PAPSS1: variants seen among roughly 807,000 people sequenced by gnomAD.
PAPSS1 encodes the protein bifunctional 3'-phosphoadenosine 5'-phosphosulfate synthase 1.
PAPSS1 carries 50 observed loss-of-function variants against 72.0 expected under a neutral mutation model. The observed-to-expected ratio is 0.69, with a 90% CI of 0.55 to 0.88. PAPSS1 has a LOEUF of 0.88. Among genes scored for constraint, PAPSS1 ranks in the 40% least tolerant of loss-of-function variants. PAPSS1 has a pLI of 0.00. For synonymous variants in PAPSS1, 261 were observed against 263.6 expected (o/e 0.99, Z 0.09); for missense variants, 657 against 782.2 (o/e 0.84, Z 1.91).
chr4:107,693,863 C>T lies in PAPSS1; in HGVS notation c.319G>A (p.Glu107Lys). Residue 107 changes from glutamate to lysine, a missense_variant, in exon 3 of 12, where the codon GAA becomes AAA. Coordinates refer to ENST00000265174, the MANE Select transcript of PAPSS1 (RefSeq NM_005443.5). ...KNLGFSPEDR[E>K]ENVRRIAEVA... ...TCTGCGATGCGTCGAACATTCTCTTCTCTGTCTTCAGGACTAAAGCCAAGA... is the reference window on the plus strand; with the variant it reads ...TCTGCGATGCGTCGAACATTCTCTTTTCTGTCTTCAGGACTAAAGCCAAGA... 1 of 1,613,966 alleles carries T rather than the reference C, an allele frequency of 6.2e-7. No individual in the cohort carries two copies. Among genetic ancestry groups the T allele is most frequent in the Non-Finnish European group, 8.5e-7 (1 of 1,179,884 alleles).
intron 4 of PAPSS1, 99 bp downstream of exon 4, chr4:107,686,940 G>A: frequency 1.1e-6 from 1 of 912,720 alleles, no homozygotes; most frequent in Non-Finnish European, 1.6e-6. Context: ...GGAGCTCCAA[G>A]TCACTCTAAC....
chr4:107,644,942 C>T lies in PAPSS1; in HGVS notation c.1366G>A (p.Gly456Ser). The change falls in exon 10 of 12, where the codon GGC becomes AGC. Residue 456 changes from glycine to serine, a missense_variant. Gly to Ser is a moderately conservative substitution (Grantham distance 56). Transcript: ENST00000265174. ...RPVLLLHPLG[G>S]WTKDDDVPLM... ...GGAACATCGTCATCCTTTGTCCAGC[C>T]ACCCAGAGGGTGGAGGAGGAGGACA... is the stretch of plus-strand genomic sequence containing the variant. 6.2e-7 allele frequency: 1 copy of T among 1,614,066 alleles called. No individual in the cohort carries two copies. Among genetic ancestry groups the T allele is most frequent in the Non-Finnish European group, 8.5e-7 (1 of 1,179,946 alleles).
At chr4:107,627,387 A>G (rs138179612) in intron 11 of PAPSS1, among the ~76,000 whole-genome samples, 4 of 152,356 alleles carry the variant, frequency 2.6e-5, no homozygotes, top group Admixed American at 2.6e-4. Context: ...GATTGTGTTC[A>G]TAATCCCTTA....
chr4:107,680,919 C>T (rs529184346), intron 5 of PAPSS1, among the ~76,000 whole-genome samples: 72 of 151,820 alleles, frequency 4.7e-4, no homozygotes, highest in African/African-American at 1.5e-3. Flanking sequence ...AGAGCAGTAT[C>T]GATTTACATT....
At chr4:107,714,483 A>AC (rs1388512204) in intron 1 of PAPSS1, among the ~76,000 whole-genome samples, 1 of 152,168 alleles carries the variant, frequency 6.6e-6, no homozygotes, top group Non-Finnish European at 1.5e-5. Flanking sequence ...ACAATTCAGG[A>AC]TTGGGGTTTT....
At chr4:107,629,133 A>G (rs1373055708) in intron 11 of PAPSS1, among the ~76,000 whole-genome samples, 2 of 152,220 alleles carry the variant, frequency 1.3e-5, no homozygotes, top group Non-Finnish European at 2.9e-5. Context: ...TAAGAAGGGT[A>G]AGACATCAGT....
In PAPSS1 at chr4:107,620,979, T is replaced by C. The variant is rs948941634; in HGVS notation, c.1737-6592A>G. Among the ~76,000 whole-genome samples, 6 of 152,192 alleles carry C rather than the reference T, an allele frequency of 3.9e-5. No homozygotes were observed. In the South Asian group the frequency reaches 8.3e-4, roughly 21 times the overall value. Reference sequence around the variant, plus strand: ...TACAGTAAGAAAGAAGGTCAATGACTAGACACAGCTCAGGTCTACAGCCTA... The same window carrying C: ...TACAGTAAGAAAGAAGGTCAATGACCAGACACAGCTCAGGTCTACAGCCTA... On this transcript the variant is annotated intron_variant, in intron 11 of 11. Transcript: ENST00000265174.
chr4:107,669,073 C>A (rs1727397345), intron 5 of PAPSS1, among the ~76,000 whole-genome samples: 1 of 152,124 alleles, frequency 6.6e-6, no homozygotes, highest in South Asian at 2.1e-4. Flanking sequence ...ACTATGTGTC[C>A]TCCCATAGCC....
At chr4:107,637,099 A>G (rs1251529913) in intron 10 of PAPSS1, among the ~76,000 whole-genome samples, 1 of 152,246 alleles carries the variant, frequency 6.6e-6, no homozygotes, top group Non-Finnish European at 1.5e-5. Context: ...CACATGACTA[A>G]TAAGTCAATG....
At chr4:107,699,459 T>C (rs1723155265) in intron 2 of PAPSS1, among the ~76,000 whole-genome samples, 2 of 152,108 alleles carry the variant, frequency 1.3e-5, no homozygotes, top group South Asian at 4.1e-4. Flanking sequence ...GGAGACCTGA[T>C]ATAAAACAAA....
intron 5 of PAPSS1, among the ~76,000 whole-genome samples, chr4:107,671,947 C>T (rs1171250444): frequency 1.3e-5 from 2 of 152,090 alleles, no homozygotes; most frequent in Admixed American, 1.3e-4. Flanking sequence ...AGAGGGCCAA[C>T]TTTCTAACGC....
At chr4:107,652,508 C>G (rs1398054873) in intron 9 of PAPSS1, among the ~76,000 whole-genome samples, 1 of 152,174 alleles carries the variant, frequency 6.6e-6, no homozygotes, top group African/African-American at 2.4e-5. Context: ...GCATCTGTAG[C>G]TTCTCTATTC....
intron 1 of PAPSS1, 79 bp from the exon 2 acceptor site, chr4:107,701,364 A>G: frequency 2.2e-6 from 2 of 901,796 alleles, no homozygotes; most frequent in Non-Finnish European, 3.5e-6. Flanking sequence ...CAAACACACA[A>G]AAGTCTATGT....
chr4:107,682,697 A>G (rs943676158), intron 4 of PAPSS1, among the ~76,000 whole-genome samples: 6 of 152,182 alleles, frequency 3.9e-5, no homozygotes, highest in South Asian at 2.1e-4. Flanking sequence ...AGGCATCTCA[A>G]TTCTCTACAG....
chr4:107,633,228 T>C (rs1351590229), intron 10 of PAPSS1, among the ~76,000 whole-genome samples: 1 of 152,250 alleles, frequency 6.6e-6, no homozygotes, highest in African/African-American at 2.4e-5. Context: ...ATCAACATTT[T>C]TGATGAAATC....
chr4:107,697,627 T>C (rs1723102366), intron 2 of PAPSS1, among the ~76,000 whole-genome samples: 1 of 152,214 alleles, frequency 6.6e-6, no homozygotes, highest in East Asian at 1.9e-4. Flanking sequence ...ATTACTGATA[T>C]AAACAGTTTC....
At chr4:107,718,185 G>C (rs935815031) in intron 1 of PAPSS1, among the ~76,000 whole-genome samples, 1 of 152,158 alleles carries the variant, frequency 6.6e-6, no homozygotes. Flanking sequence ...ATATGAGAGA[G>C]GAAGAGATGA....
chr4:107,693,216 C>T (rs777441638), intron 3 of PAPSS1, among the ~76,000 whole-genome samples: 1 of 152,100 alleles, frequency 6.6e-6, no homozygotes, highest in Non-Finnish European at 1.5e-5. Flanking sequence ...TCAGCTGACA[C>T]TGTGAAAACA....
intron 10 of PAPSS1, among the ~76,000 whole-genome samples, chr4:107,640,804 G>A (rs1726518414): frequency 6.6e-6 from 1 of 152,168 alleles, no homozygotes; most frequent in East Asian, 1.9e-4. Context: ...TCAGGCATCA[G>A]AGCTGGGCCT....
Sources: gnomAD v4.1 joint callset for allele counts (sites outside exome capture counted in the v4.1 genomes callset) on GRCh38, gnomAD v4.1.1 for gene constraint, MANE v1.5 for transcripts, NCBI Gene and HGNC (gene_info 2026-07-23, HGNC 2026-07-21) for gene names.